Variants in STAU2 observed in about 807,000 individuals in gnomAD.
The protein encoded by STAU2 is double-stranded RNA-binding protein Staufen homolog 2.
A neutral mutation model predicts 65.9 loss-of-function variants in STAU2; 20 were observed. The observed-to-expected ratio is 0.30, with a 90% confidence interval of 0.21 to 0.44. STAU2 has a LOEUF of 0.44. STAU2 is among the 20% of genes least tolerant of loss of function. The pLI is 1.00. For missense variants in STAU2, 558 were observed against 683.9 expected (o/e 0.82, Z 2.05); for synonymous variants, 232 against 233.9 (o/e 0.99, Z 0.07).
intron 13 of STAU2, among the ~76,000 whole-genome samples, chr8:73,454,348 T>C (rs1010004244): frequency 4.6e-5 from 7 of 152,248 alleles, no homozygotes; most frequent in Admixed American, 3.3e-4. Context: ...TCTTGGATTA[T>C]CTTATTGCTG....
At chr8:73,561,653 A>G (rs1808242375) in intron 12 of STAU2, 2 of 416,888 alleles carry the variant, frequency 4.8e-6, no homozygotes, top group African/African-American at 2.1e-5. Context: ...AGCAGCTTCC[A>G]AACACTGCAC....
intron 13 of STAU2, among the ~76,000 whole-genome samples, chr8:73,528,630 CTATT>C: frequency 6.6e-6 from 1 of 152,122 alleles, no homozygotes; most frequent in Admixed American, 6.5e-5. Flanking sequence ...TTAGGGATTC[CTATT>C]TATTATATTA....
intron 13 of STAU2, among the ~76,000 whole-genome samples, chr8:73,516,493 G>A (rs1411379449): frequency 6.6e-6 from 1 of 151,850 alleles, no homozygotes; most frequent in African/African-American, 2.4e-5. Context: ...TAACTAAAGG[G>A]TATTTAAAAA....
chr8:73,589,502 T>C (rs1442554039), intron 11 of STAU2, among the ~76,000 whole-genome samples: 1 of 152,134 alleles, frequency 6.6e-6, no homozygotes, highest in African/African-American at 2.4e-5. Flanking sequence ...CATGAGCATA[T>C]GGGGAATTTC....
At chr8:73,575,362 G>C (rs371518761) in intron 12 of STAU2, among the ~76,000 whole-genome samples, 1 of 152,152 alleles carries the variant, frequency 6.6e-6, no homozygotes, top group African/African-American at 2.4e-5. Flanking sequence ...TGAAGCTGTA[G>C]GGAAACAGGA....
intron 6 of STAU2, among the ~76,000 whole-genome samples, chr8:73,636,808 A>C (rs959554891): frequency 6.6e-6 from 1 of 151,576 alleles, no homozygotes; most frequent in Non-Finnish European, 1.5e-5. Flanking sequence ...GGTTACAGTG[A>C]GCCAAGATCA....
intron 13 of STAU2, among the ~76,000 whole-genome samples, chr8:73,426,171 T>G (rs1349840429): frequency 1.7e-5 from 2 of 118,158 alleles, no homozygotes; most frequent in Non-Finnish European, 3.0e-5. Flanking sequence ...GTAACCTGCT[T>G]TTTTTTTTTT....
intron 13 of STAU2, among the ~76,000 whole-genome samples, chr8:73,545,193 G>A (rs1243449135): frequency 1.3e-5 from 2 of 152,148 alleles, no homozygotes; most frequent in African/African-American, 4.8e-5. Context: ...CTTAGTAAGA[G>A]TTTTTCAAAC....
intron 11 of STAU2, chr8:73,590,818 G>T (rs185956097): frequency 1.0e-3 from 157 of 153,084 alleles, no homozygotes; most frequent in Non-Finnish European, 1.6e-3. Flanking sequence ...ACACACATAT[G>T]CACCAACAGG....
chr8:73,710,793 C>A (rs1221901050), intron 3 of STAU2, among the ~76,000 whole-genome samples: 1 of 151,858 alleles, frequency 6.6e-6, no homozygotes. Context: ...TTACTTCCTG[C>A]TCATTTAAAC....
chr8:73,602,155 C>T (rs1324356550), intron 10 of STAU2, among the ~76,000 whole-genome samples: 1 of 151,932 alleles, frequency 6.6e-6, no homozygotes, highest in Non-Finnish European at 1.5e-5. Flanking sequence ...AAATATCTAT[C>T]AAATGTTTAT....
At chr8:73,532,413 C>G (rs1196459612) in intron 13 of STAU2, among the ~76,000 whole-genome samples, 1 of 152,106 alleles carries the variant, frequency 6.6e-6, no homozygotes, top group Non-Finnish European at 1.5e-5. Context: ...CTGGGATGAG[C>G]ATGGTGGCTC....
intron 13 of STAU2, among the ~76,000 whole-genome samples, chr8:73,468,101 A>G (rs1201140137): frequency 1.3e-5 from 2 of 152,256 alleles, no homozygotes; most frequent in Non-Finnish European, 2.9e-5. Context: ...ACTGGTACCA[A>G]AACAGAGATA....
chr8:73,482,428 A>G (rs531361140), intron 13 of STAU2, among the ~76,000 whole-genome samples: 2 of 152,248 alleles, frequency 1.3e-5, no homozygotes, highest in Admixed American at 1.3e-4. Context: ...AGGTATCTCT[A>G]GGTATGAAAG....
chr8:73,713,467 A>C (rs141910160), intron 3 of STAU2, among the ~76,000 whole-genome samples: 3 of 152,284 alleles, frequency 2.0e-5, no homozygotes, highest in African/African-American at 7.2e-5. Context: ...TCACAATATA[A>C]GTACTATAAT....
intron 5 of STAU2, among the ~76,000 whole-genome samples, chr8:73,686,891 T>C: frequency 7.5e-6 from 1 of 134,200 alleles, no homozygotes; most frequent in East Asian, 2.5e-4. Context: ...TGGGGTTTCT[T>C]TCTTTTTTTT....
chr8:73,492,191 T>C (rs1345565073), intron 13 of STAU2, among the ~76,000 whole-genome samples: 2 of 151,934 alleles, frequency 1.3e-5, no homozygotes, highest in Non-Finnish European at 2.9e-5. Flanking sequence ...TGACTCAGAT[T>C]GGCATTGTAA....
At chr8:73,710,034 T>C (rs950921661) in intron 3 of STAU2, among the ~76,000 whole-genome samples, 3 of 152,142 alleles carry the variant, frequency 2.0e-5, no homozygotes, top group African/African-American at 4.8e-5. Context: ...TCCACTCCTC[T>C]ACTGAGACAC....
At chr8:73,453,283 A>G (rs1440833043) in intron 13 of STAU2, among the ~76,000 whole-genome samples, 2 of 152,242 alleles carry the variant, frequency 1.3e-5, no homozygotes, top group African/African-American at 4.8e-5. Context: ...TAAAAGGGAA[A>G]ATGCATTTCT....
Sources: gnomAD v4.1 joint callset for allele counts (sites outside exome capture counted in the v4.1 genomes callset) on GRCh38, gnomAD v4.1.1 for gene constraint, MANE v1.5 for transcripts, NCBI Gene and HGNC (gene_info 2026-07-23, HGNC 2026-07-21) for gene names.